Variants in TPMT observed in about 807,000 individuals in gnomAD.
TPMT encodes S-adenosyl-L-methionine:thiopurine S-methyltransferase.
TPMT carries 18 observed loss-of-function variants against 34.2 expected under a neutral mutation model. That is an observed-to-expected ratio of 0.53 (90% confidence interval 0.36 to 0.78). TPMT has a LOEUF of 0.78. Among genes scored for constraint, TPMT ranks in the 30% least tolerant of loss-of-function variants. The pLI, the probability that TPMT is intolerant of heterozygous loss-of-function variation, is 0.00. For missense variants in TPMT, 265 were observed against 288.1 expected, an observed-to-expected ratio of 0.92 and a Z score of 0.58; for synonymous variants, 69 against 92.4, an observed-to-expected ratio of 0.75 and a Z score of 1.45.
In TPMT at chr6:18,133,840, G is replaced by A. The variant is rs377595538; in HGVS notation, c.544C>T (p.Leu182=). ...GTTGGATCATAAGAAAGAACACACA[G>A]GAGATACTGAAACTTCTTTCCCAGG... is the stretch of plus-strand genomic sequence containing the variant. ...SLLGKKFQYL[L]CVLSYDPTKH... Residue 182 remains leucine, a synonymous_variant, in exon 7 of 9, where the codon CTG becomes TTG. Coordinates refer to ENST00000309983, the MANE Select transcript of TPMT (RefSeq NM_000367.5). The A allele has an allele frequency of 1.2e-6, 2 of 1,611,756 alleles. No individual in the cohort carries two copies. The highest frequency in any genetic ancestry group is 1.7e-6 in the Non-Finnish European group (2 of 1,179,684).
intron 4 of TPMT, among the ~76,000 whole-genome samples, chr6:18,142,987 G>T (rs1014346072): frequency 2.0e-5 from 3 of 152,028 alleles, no homozygotes; most frequent in African/African-American, 7.2e-5. Flanking sequence ...CTGCCAGGAG[G>T]CTACTTCCCT....
At chr6:18,147,083 C>T (rs1183591729) in intron 3 of TPMT, among the ~76,000 whole-genome samples, 1 of 151,528 alleles carries the variant, frequency 6.6e-6, no homozygotes, top group Non-Finnish European at 1.5e-5. Flanking sequence ...GGCCACCACA[C>T]CTGGCGCATT....
At chr6:18,142,077 A>G (rs35237970) in intron 4 of TPMT, among the ~76,000 whole-genome samples, 78,055 of 151,902 alleles carry the variant, frequency 0.51, 20,252 homozygotes, top group African/African-American at 0.56. Flanking sequence ...TGTGAGCCCT[A>G]TGTAAATCAG....
chr6:18,137,326 AG>A (rs1461569373), intron 6 of TPMT, among the ~76,000 whole-genome samples: 2 of 151,982 alleles, frequency 1.3e-5, no homozygotes, highest in Non-Finnish European at 2.9e-5. Context: ...TTATAGAGAT[AG>A]GGTTTCACTG....
At position 18,143,644 on chromosome 6, in the gene TPMT, A is replaced by T. The variant is rs763376505; in HGVS notation, c.318T>A (p.Ser106=). The T allele has an allele frequency of 6.2e-7, 1 of 1,613,758 alleles. No individual in the cohort carries two copies. The highest frequency in any genetic ancestry group is 8.5e-7 in the Non-Finnish European group (1 of 1,180,012). The change falls in exon 4 of 9, where the codon TCT becomes TCA. Residue 106 remains serine (S), a synonymous_variant. Transcript: ENST00000309983. This position sits in a 1 kb window ranked among gnomAD's most constrained non-coding sequence, Gnocchi z 6.1. ...IQEFFTEQNL[S]YSEEPITEIP... is the part of the protein sequence containing the mutation. Reference sequence around the variant, plus strand: ...TTTCGGTGATTGGTTCTTCTGAGTAAGAAAGATTCTGCTCTGTAAAAAATT... The same window carrying T: ...TTTCGGTGATTGGTTCTTCTGAGTATGAAAGATTCTGCTCTGTAAAAAATT...
chr6:18,146,470 C>T lies in TPMT; in HGVS notation c.233+1353G>A, dbSNP rs987731772. ...TCACCTAATTAAAGGTGTGAGCCACCGCACCTGGCCAGTTCTGATATTTTT... is the reference window on the plus strand; with the variant it reads ...TCACCTAATTAAAGGTGTGAGCCACTGCACCTGGCCAGTTCTGATATTTTT... On this transcript the variant is annotated intron_variant, in intron 3 of 8. Transcript: ENST00000309983. This position sits in a 1 kb window ranked among gnomAD's most constrained non-coding sequence, Gnocchi z 6.2. 1.1e-4 allele frequency among the ~76,000 whole-genome samples: 16 copies of T among 152,050 alleles called. No homozygotes were observed. The highest frequency in any genetic ancestry group is 2.9e-4 in the African/African-American group (12 of 41,396).
chr6:18,133,703 T>G (rs185384302), intron 7 of TPMT, 101 bp downstream of exon 7: 2 of 876,038 alleles, frequency 2.3e-6, no homozygotes, highest in East Asian at 5.2e-5. Context: ...ATGCTTCCTA[T>G]GAGATAAATT....
rs943067561 is a variant in TPMT, at chr6:18,146,285, C to T, written c.233+1538G>A. Among the ~76,000 whole-genome samples, 8 of 151,990 alleles carry T rather than the reference C, an allele frequency of 5.3e-5. No individual in the cohort carries two copies. Among genetic ancestry groups the T allele is most frequent in the African/African-American group, 1.7e-4 (7 of 41,388 alleles). On this transcript the variant is annotated intron_variant, in intron 3 of 8. Transcript: ENST00000309983. The surrounding 1 kb of genome is among the most constrained non-coding windows in gnomAD (Gnocchi z 6.2). ...GAGTGCATGGGCTCATTGCAACCTC[C>T]GCCTCCTGGATTCAAGCAATTCTCC...
chr6:18,143,353 A>T lies in TPMT; in HGVS notation c.366+243T>A, dbSNP rs1311298840. ...AATGCGTGTTAATAAAAATAAAACA[A>T]GCCTAAAAGCTTGAGTACAGAGAGG... On this transcript the variant is annotated intron_variant, in intron 4 of 8. Coordinates refer to ENST00000309983, the MANE Select transcript of TPMT (RefSeq NM_000367.5). The surrounding 1 kb of genome is among the most constrained non-coding windows in gnomAD (Gnocchi z 6.1). Among the ~76,000 whole-genome samples the T allele has an allele frequency of 2.0e-5, 3 of 152,196 alleles. No homozygotes were observed. Among genetic ancestry groups the T allele is most frequent in the Non-Finnish European group, 4.4e-5 (3 of 68,028 alleles).
rs1784029994 is a variant in TPMT at position 18,135,636 on chromosome 6, C to A, written c.495-1747G>T. On this transcript the variant is annotated intron_variant, in intron 6 of 8. Transcript: ENST00000309983. The surrounding 1 kb of genome is among the most constrained non-coding windows in gnomAD (Gnocchi z 5.0). ...TCTGTAATCCCAGCACTTTGGGAGG[C>A]CGAGGTGGGCAGATCACCTGAGGTC... Among the ~76,000 whole-genome samples, 1 of 152,066 alleles carries A rather than the reference C, an allele frequency of 6.6e-6. No homozygotes were observed. Among genetic ancestry groups the A allele is most frequent in the African/African-American group, 2.4e-5 (1 of 41,378 alleles).
rs556118564 is a variant in TPMT at position 18,136,085 on chromosome 6, C to A, written c.495-2196G>T. On this transcript the variant is annotated intron_variant, in intron 6 of 8. Coordinates refer to ENST00000309983, the MANE Select transcript of TPMT (RefSeq NM_000367.5). This position sits in a 1 kb window ranked among gnomAD's most constrained non-coding sequence, Gnocchi z 4.7. ...GTGCTGGGTCCGCTCTTGGTCTGCA[C>A]GTGGTGACTTTTAGTTTGCTTCCCA... Among the ~76,000 whole-genome samples, 79 of 152,280 alleles carry A rather than the reference C, an allele frequency of 5.2e-4. No homozygotes were observed. Among genetic ancestry groups the A allele is most frequent in the African/African-American group, 1.8e-3 (76 of 41,572 alleles).
chr6:18,155,122 TCCGCGCCCCGCCTCCGC>T (rs67665771), upstream of TPMT: 39,924 of 139,664 alleles, frequency 0.29, 6,591 homozygotes, highest in East Asian at 0.48. The surrounding 1 kb of genome is among the most constrained non-coding windows in gnomAD (Gnocchi z 6.2). Context: ...CCGCCACTTC[TCCGCGCCCCGCCTCCGC>T]CCGCGCCCCG....
At position 18,149,120 on chromosome 6, in the gene TPMT, C is replaced by A; in HGVS notation, c.8G>T (p.Gly3Val). 6.2e-7 allele frequency: 1 copy of A among 1,614,070 alleles called. No individual in the cohort carries two copies. The highest frequency in any genetic ancestry group is 8.5e-7 in the Non-Finnish European group (1 of 1,180,016). Residue 3 changes from glycine to valine, a missense_variant, in exon 2 of 9, where the codon GGT becomes GTT. Coordinates refer to ENST00000309983, the MANE Select transcript of TPMT (RefSeq NM_000367.5). This position sits in a 1 kb window ranked among gnomAD's most constrained non-coding sequence, Gnocchi z 5.0. MD[G>V]TRTSLDIEEY... ...TTCAATGTCAAGTGAAGTTCTTGTA[C>A]CATCCATAGTTTCAGAGACACCTTT...
chr6:18,132,156 T>G lies in TPMT; in HGVS notation c.602A>C (p.His201Pro). 1 of 1,614,204 alleles carries G rather than the reference T, an allele frequency of 6.2e-7. No individual in the cohort carries two copies. The highest frequency in any genetic ancestry group is 8.5e-7 in the Non-Finnish European group (1 of 1,180,010). The change falls in exon 8 of 9, where the codon CAT (histidine) becomes CCT (proline). Residue 201 changes from histidine to proline, a missense_variant. Physicochemically the swap from His to Pro is moderately conservative, Grantham distance 77. Transcript: ENST00000309983. The surrounding 1 kb of genome is among the most constrained non-coding windows in gnomAD (Gnocchi z 4.8). Reference sequence around the variant, plus strand: ...ACCAAACAACCTTTCAATTTCAGCATGTGGAACATAAAATGGTGGACCTAG... The same window carrying G: ...ACCAAACAACCTTTCAATTTCAGCAGGTGGAACATAAAATGGTGGACCTAG... ...KHPGPPFYVP[H>P]AEIERLFGKI...
chr6:18,138,008 G>A lies in TPMT; in HGVS notation c.494+955C>T, dbSNP rs555065660. On this transcript the variant is annotated intron_variant, in intron 6 of 8. Transcript: ENST00000309983. This position sits in a 1 kb window ranked among gnomAD's most constrained non-coding sequence, Gnocchi z 4.1. ...TTGGCCAGGCTGGTCTCGAACTCCT[G>A]ACCTCAGGCGATCCGCCCACCTTGG... 5.9e-5 allele frequency among the ~76,000 whole-genome samples: 9 copies of A among 152,186 alleles called. No homozygotes were observed. The highest frequency in any genetic ancestry group is 2.1e-4 in the South Asian group (1 of 4,824).
chr6:18,145,311 T>A lies in TPMT; in HGVS notation c.234-1583A>T, dbSNP rs141654964. On this transcript the variant is annotated intron_variant, in intron 3 of 8. Transcript: ENST00000309983. This position sits in a 1 kb window ranked among gnomAD's most constrained non-coding sequence, Gnocchi z 5.6. ...ACATGTTAAATGGTTGAGAAATAGA[T>A]AAATACTACAATATGGCACTTTACG... Among the ~76,000 whole-genome samples, 2 of 152,270 alleles carry A rather than the reference T, an allele frequency of 1.3e-5. No homozygotes were observed. Among genetic ancestry groups the A allele is most frequent in the East Asian group, 3.9e-4 (2 of 5,182 alleles).
chr6:18,150,864 C>A lies in TPMT; in HGVS notation c.-44-1693G>T, dbSNP rs1423832909. On this transcript the variant is annotated intron_variant, in intron 1 of 8. Transcript: ENST00000309983. The surrounding 1 kb of genome is among the most constrained non-coding windows in gnomAD (Gnocchi z 5.3). The stretch of plus-strand genomic sequence containing the variant: ...GAGTAGCTGGGATTACAGGCATGCA[C>A]TACCAGGTCCAGCTAATTTTTGTGT... Among the ~76,000 whole-genome samples, 1 of 152,132 alleles carries A rather than the reference C, an allele frequency of 6.6e-6. No individual in the cohort carries two copies. The highest frequency in any genetic ancestry group is 2.4e-5 in the African/African-American group (1 of 41,426).
In TPMT at chr6:18,138,409, AG is replaced by A. The variant is rs1441090165; in HGVS notation, c.494+553del. Among the ~76,000 whole-genome samples, 1 of 151,974 alleles carries A rather than the reference AG, an allele frequency of 6.6e-6. No individual in the cohort carries two copies. Among genetic ancestry groups the A allele is most frequent in the East Asian group, 1.9e-4 (1 of 5,178 alleles). On this transcript the variant is annotated intron_variant, in intron 6 of 8. Transcript: ENST00000309983. The surrounding 1 kb of genome is among the most constrained non-coding windows in gnomAD (Gnocchi z 4.1). ...AGCCTCCCAAGTAGCTGGGACTACAAGCACATACCACCACGGTCGGATAATT... is the reference window on the plus strand; with the variant it reads ...AGCCTCCCAAGTAGCTGGGACTACAACACATACCACCACGGTCGGATAATT...
rs1783941932 is a variant in TPMT, at chr6:18,131,553, C to A, written c.625+580G>T. Among the ~76,000 whole-genome samples, 1 of 152,004 alleles carries A rather than the reference C, an allele frequency of 6.6e-6. No homozygotes were observed. ...CTGTGATTGCACTTCTGTACTCCAGCCTGGGTGACAGATCAAGATCCTATC... is the reference window on the plus strand; with the variant it reads ...CTGTGATTGCACTTCTGTACTCCAGACTGGGTGACAGATCAAGATCCTATC... On this transcript the variant is annotated intron_variant, in intron 8 of 8. Coordinates refer to ENST00000309983, the MANE Select transcript of TPMT (RefSeq NM_000367.5). The surrounding 1 kb of genome is among the most constrained non-coding windows in gnomAD (Gnocchi z 4.3).
Sources: allele counts gnomAD v4.1 joint callset (sites outside exome capture counted in the v4.1 genomes callset), GRCh38; gene constraint gnomAD v4.1.1; non-coding constraint Gnocchi (gnomAD v3.1); transcripts MANE v1.5; gene names NCBI Gene and HGNC (gene_info 2026-07-23, HGNC 2026-07-21).